Variants in UNC13B observed in about 807,000 individuals in gnomAD.
UNC13B encodes unc-13 homolog B.
In UNC13B, 144 loss-of-function variants were observed where a neutral mutation model predicts 211.0. That is an observed-to-expected ratio of 0.68 (90% CI 0.60 to 0.78). The LOEUF (loss-of-function observed/expected upper bound fraction) is 0.78, where lower values mean the gene tolerates loss of function less well. UNC13B is among the 30% of genes least tolerant of loss of function. The pLI is 0.00. For synonymous variants in UNC13B, 709 were observed against 725.8 expected (o/e 0.98, Z 0.37); for missense variants, 1,777 against 2,002.0 (o/e 0.89, Z 2.14).
chr9:35,310,877 G>A, intron 10 of UNC13B, 96 bp downstream of exon 10: 2 of 1,245,094 alleles, frequency 1.6e-6, no homozygotes, highest in African/African-American at 1.5e-5. Context: ...TTTCCCTGCA[G>A]CTGGGTATGG....
intron 7 of UNC13B, chr9:35,290,974 G>T: frequency 1.6e-6 from 2 of 1,246,768 alleles, no homozygotes; most frequent in Admixed American, 2.0e-5. Flanking sequence ...GTAAGGTAAG[G>T]CACATAATAA....
rs1829920995 is a variant in UNC13B at position 35,306,313 on chromosome 9, C to A, written c.6909C>A (p.Asp2303Glu). The change falls in exon 9 of 40, where the codon GAC becomes GAA. Residue 2303 changes from aspartate to glutamate, a missense_variant. Coordinates refer to ENST00000635942, the MANE Select transcript of UNC13B (RefSeq NM_001371189.2). ...CCCTTGCAGATGAGCTCAGTGTAGA[C>A]AAGGACTGTCAGGAAAAACTGAGTT... is the stretch of plus-strand genomic sequence containing the variant. Reference protein sequence around the residue: ...VTSLADELSVDKDCQEKLSSN... With the variant: ...VTSLADELSVEKDCQEKLSSN... 2.5e-6 allele frequency: 1 copy of A among 398,828 alleles called. No homozygotes were observed. Among genetic ancestry groups the A allele is most frequent in the South Asian group, 1.3e-4 (1 of 7,854 alleles). The allele number at this position is 398,828 out of a possible 1,614,324, so 24.7% of individuals were successfully genotyped here. A position where few individuals can be genotyped will look rare whatever the true frequency, so the allele number is the denominator to read the frequency against.
intron 11 of UNC13B, among the ~76,000 whole-genome samples, chr9:35,331,522 C>T (rs1186739579): frequency 6.6e-6 from 1 of 152,200 alleles, no homozygotes; most frequent in Non-Finnish European, 1.5e-5. Flanking sequence ...GCTGGTATTA[C>T]AGGCATGTGC....
At position 35,259,041 on chromosome 9, in the gene UNC13B, G is replaced by C; in HGVS notation, c.517G>C (p.Ala173Pro). Reference sequence around the variant, plus strand: ...GAGGAAGCCATTGCCCACTGCTGCCGCCCAGTGTTGTAAGTGAGAAACTTG... The same window carrying C: ...GAGGAAGCCATTGCCCACTGCTGCCCCCCAGTGTTGTAAGTGAGAAACTTG... ...SQRKPLPTAAAQCSFEDPDSA... is the reference protein window; with the variant it reads ...SQRKPLPTAAPQCSFEDPDSA... The change falls in exon 7 of 40, where the codon GCC becomes CCC. Residue 173 changes from alanine to proline, a missense_variant. Transcript: ENST00000635942. 1 of 1,613,768 alleles carries C rather than the reference G, an allele frequency of 6.2e-7. No individual in the cohort carries two copies. The highest frequency in any genetic ancestry group is 8.5e-7 in the Non-Finnish European group (1 of 1,179,888).
rs541630756 is a variant in UNC13B, at chr9:35,382,467, A to G, written c.10766A>G (p.Asn3589Ser). 2.7e-5 allele frequency: 44 copies of G among 1,614,024 alleles called. No individual in the cohort carries two copies. The highest frequency in any genetic ancestry group is 4.5e-5 in the East Asian group (2 of 44,880). ...AYYAHTTAST[N>S]VSASDRFAAS... Reference sequence around the variant, plus strand: ...TATGCCCACACAACTGCCTCTACCAATGTCTCTGCATCTGATCGCTTTGCA... The same window carrying G: ...TATGCCCACACAACTGCCTCTACCAGTGTCTCTGCATCTGATCGCTTTGCA... Residue 3589 changes from asparagine (N) to serine (S), a missense_variant, in exon 21 of 40, where the codon AAT becomes AGT. By Grantham distance (46) the Asn-to-Ser change is conservative (BLOSUM62 1). Coordinates refer to ENST00000635942, the MANE Select transcript of UNC13B (RefSeq NM_001371189.2).
chr9:35,351,719 G>A (rs1288025033), intron 11 of UNC13B: 55 of 1,232,140 alleles, frequency 4.5e-5, no homozygotes, highest in Non-Finnish European at 5.4e-5. Context: ...AGCCATTGGT[G>A]GAGATAGAGA....
chr9:35,381,866 G>T, intron 20 of UNC13B, 147 bp downstream of exon 20: 1 of 966,502 alleles, frequency 1.0e-6, no homozygotes, highest in Non-Finnish European at 1.6e-6. Context: ...ATGGGTCTAT[G>T]CCCCAAGACA....
chr9:35,333,724 A>G (rs1232914576), intron 11 of UNC13B, among the ~76,000 whole-genome samples: 4 of 152,044 alleles, frequency 2.6e-5, no homozygotes, highest in Non-Finnish European at 5.9e-5. Context: ...TGCTGGAAAT[A>G]TTTCCCTCTC....
At position 35,400,453 on chromosome 9, in the gene UNC13B, T is replaced by C; in HGVS notation, c.12484+10T>C. The C allele has an allele frequency of 6.2e-7, 1 of 1,610,942 alleles. No individual in the cohort carries two copies. Among genetic ancestry groups the C allele is most frequent in the Non-Finnish European group, 8.5e-7 (1 of 1,178,350 alleles). On this transcript the variant is annotated intron_variant, in intron 37 of 39. Transcript: ENST00000635942. ...TCGCAGACCACCCAAGGTAAGGCCC[T>C]GAGGGCTTTGGGTATCCACCTCTCC...
intron 12 of UNC13B, among the ~76,000 whole-genome samples, chr9:35,369,380 A>C (rs1316080014): frequency 6.6e-6 from 1 of 152,184 alleles, no homozygotes; most frequent in Non-Finnish European, 1.5e-5. Flanking sequence ...ATTTTATAGA[A>C]GCGTCACCAA....
rs766488083 is a variant in UNC13B at position 35,176,573 on chromosome 9, C to CA, written c.22+14275dup. ...AAACAAACAAACCAACAAACAAAAA[C>CA]AAAAAAACCCCACAACTGTTGTGCT... is the stretch of plus-strand genomic sequence containing the variant. On this transcript the variant is annotated intron_variant, in intron 1 of 39. Transcript: ENST00000635942. 1.6e-4 allele frequency among the ~76,000 whole-genome samples: 24 copies of CA among 151,938 alleles called. 1 individual carries two copies. The highest frequency in any genetic ancestry group is 1.0e-3 in the South Asian group (5 of 4,826).
At chr9:35,322,268 A>T (rs1830775182) in intron 11 of UNC13B, among the ~76,000 whole-genome samples, 1 of 152,052 alleles carries the variant, frequency 6.6e-6, no homozygotes, top group Non-Finnish European at 1.5e-5. Context: ...ATGAATCTGT[A>T]CCTTATTTGG....
chr9:35,390,728 C>G lies in UNC13B; in HGVS notation c.11308+14C>G, dbSNP rs1587756889. 2.5e-6 allele frequency: 4 copies of G among 1,609,202 alleles called. No individual in the cohort carries two copies. The East Asian group carries it at 8.9e-5, about 36-fold the overall frequency. ...ATGCATTGGAGGGTAAGGATCTGTTCAAATCAGTGGGCTGCCAGGCTCCTA... is the reference window on the plus strand; with the variant it reads ...ATGCATTGGAGGGTAAGGATCTGTTGAAATCAGTGGGCTGCCAGGCTCCTA... On this transcript the variant is annotated intron_variant, in intron 26 of 39. Coordinates refer to ENST00000635942, the MANE Select transcript of UNC13B (RefSeq NM_001371189.2).
At chr9:35,255,315 C>T (rs1431865888) in intron 6 of UNC13B, among the ~76,000 whole-genome samples, 1 of 150,648 alleles carries the variant, frequency 6.6e-6, no homozygotes, top group Non-Finnish European at 1.5e-5. Context: ...CCCTCCCCCA[C>T]CCCATCTTAT....
At chr9:35,240,932 G>A (rs1291158907) in intron 5 of UNC13B, among the ~76,000 whole-genome samples, 1 of 151,666 alleles carries the variant, frequency 6.6e-6, no homozygotes, top group African/African-American at 2.4e-5. Flanking sequence ...TCGTGCGCCT[G>A]TAATCTCAGC....
intron 11 of UNC13B, chr9:35,352,154 C>T: frequency 3.2e-6 from 4 of 1,232,290 alleles, no homozygotes; most frequent in Non-Finnish European, 4.0e-6. Context: ...GGCCCAGGAA[C>T]CCCACGTGGA....
At chr9:35,245,052 A>G (rs763602511) in intron 6 of UNC13B, among the ~76,000 whole-genome samples, 2 of 151,996 alleles carry the variant, frequency 1.3e-5, no homozygotes, top group Non-Finnish European at 2.9e-5. Context: ...CATTTGTGCT[A>G]TCTTTGCATG....
At chr9:35,247,947 A>G (rs1826203901) in intron 6 of UNC13B, among the ~76,000 whole-genome samples, 1 of 151,968 alleles carries the variant, frequency 6.6e-6, no homozygotes, top group Admixed American at 6.6e-5. Flanking sequence ...TCCTCCTTGT[A>G]CCTCTGGTAG....
At chr9:35,228,643 A>G (rs942136026) in intron 2 of UNC13B, among the ~76,000 whole-genome samples, 4 of 151,806 alleles carry the variant, frequency 2.6e-5, no homozygotes, top group African/African-American at 7.3e-5. Context: ...AAAATATTCA[A>G]ATAGACCATG....
Sources: allele counts gnomAD v4.1 joint callset (sites outside exome capture counted in the v4.1 genomes callset), GRCh38; gene constraint gnomAD v4.1.1; transcripts MANE v1.5; gene names NCBI Gene and HGNC (gene_info 2026-07-23, HGNC 2026-07-21).